RUNDC3B: variants seen among roughly 807,000 people sequenced by gnomAD.
The protein encoded by RUNDC3B is RUN domain-containing protein 3B.
Under a neutral mutation model 58.4 loss-of-function variants are expected in RUNDC3B, and 33 were observed. The ratio of observed to expected loss-of-function variants is 0.56; its 90% CI spans 0.43 to 0.75. The LOEUF is 0.75. Among genes scored for constraint, RUNDC3B ranks in the 30% least tolerant of loss-of-function variants. RUNDC3B has a pLI of 0.00. For synonymous variants in RUNDC3B, 193 were observed against 195.2 expected, an observed-to-expected ratio of 0.99 and a Z score of 0.10; for missense variants, 501 against 535.7, an observed-to-expected ratio of 0.94 and a Z score of 0.64.
At chr7:87,712,014 G>A (rs1183119485) in intron 4 of RUNDC3B, among the ~76,000 whole-genome samples, 4 of 152,042 alleles carry the variant, frequency 2.6e-5, no homozygotes, top group African/African-American at 9.7e-5. Context: ...GAGAAAATCT[G>A]GGCATTTATT....
intron 9 of RUNDC3B, among the ~76,000 whole-genome samples, chr7:87,813,436 C>A (rs1338836048): frequency 6.6e-6 from 1 of 151,910 alleles, no homozygotes. Context: ...CAGATGAATT[C>A]TATGTCTTTT....
intron 1 of RUNDC3B, among the ~76,000 whole-genome samples, chr7:87,635,361 CA>C (rs1354540863): frequency 6.6e-6 from 1 of 152,168 alleles, no homozygotes; most frequent in Non-Finnish European, 1.5e-5. Context: ...ATTATTATGT[CA>C]AAAGGGGCTT....
intron 2 of RUNDC3B, 55 bp downstream of exon 2, chr7:87,650,992 T>G: frequency 9.8e-7 from 1 of 1,017,212 alleles, no homozygotes. Context: ...ATAATAAGCT[T>G]GAAATTTTAG....
intron 6 of RUNDC3B, among the ~76,000 whole-genome samples, chr7:87,746,392 A>C (rs1188116198): frequency 6.6e-6 from 1 of 152,176 alleles, no homozygotes; most frequent in East Asian, 1.9e-4. Context: ...TAGTGCTGTC[A>C]GTGGAGTAGT....
At chr7:87,827,179 A>AATACAT (rs1837860434) in intron 10 of RUNDC3B, among the ~76,000 whole-genome samples, 1 of 152,200 alleles carries the variant, frequency 6.6e-6, no homozygotes, top group Non-Finnish European at 1.5e-5. Flanking sequence ...ACAAATATGT[A>AATACAT]ACAGGCAAAT....
rs1391176333 is a variant in RUNDC3B, at chr7:87,739,817, T to C, written c.485T>C (p.Val162Ala). Reference sequence around the variant, plus strand: ...AGATTTTATGAAGATGGAGCAATTGTCTTGGGTGAAGAAGCAAATATGCTT... The same window carrying C: ...AGATTTTATGAAGATGGAGCAATTGCCTTGGGTGAAGAAGCAAATATGCTT... ...TRRFYEDGAIVLGEEANMLAG... is the reference protein window; with the variant it reads ...TRRFYEDGAIALGEEANMLAG... Residue 162 changes from valine (V) to alanine (A), a missense_variant, in exon 5 of 11, where the codon GTC (valine) becomes GCC (alanine). Val to Ala is a moderately conservative substitution (Grantham distance 64). Coordinates refer to ENST00000394654, the MANE Select transcript of RUNDC3B (RefSeq NM_001134405.2). The C allele has an allele frequency of 6.3e-7, 1 of 1,589,638 alleles. No homozygotes were observed. The highest frequency in any genetic ancestry group is 1.7e-5 in the Admixed American group (1 of 59,804).
At chr7:87,701,696 A>T (rs915786555) in intron 3 of RUNDC3B, among the ~76,000 whole-genome samples, 2 of 152,216 alleles carry the variant, frequency 1.3e-5, no homozygotes, top group African/African-American at 4.8e-5. Context: ...ATCTGAAAAG[A>T]CTATTAAAAG....
intron 4 of RUNDC3B, among the ~76,000 whole-genome samples, chr7:87,736,978 A>G (rs1417974737): frequency 2.2e-5 from 3 of 138,664 alleles, no homozygotes; most frequent in Non-Finnish European, 3.0e-5. Context: ...GCTCACTTCA[A>G]CCTCTGTCTT....
At chr7:87,636,924 T>C (rs573543885) in intron 1 of RUNDC3B, among the ~76,000 whole-genome samples, 1 of 152,298 alleles carries the variant, frequency 6.6e-6, no homozygotes, top group Non-Finnish European at 1.5e-5. Flanking sequence ...CTTACAAGCA[T>C]GGTGGAAGGG....
intron 1 of RUNDC3B, among the ~76,000 whole-genome samples, chr7:87,639,345 G>A (rs1822198790): frequency 6.6e-6 from 1 of 152,062 alleles, no homozygotes; most frequent in South Asian, 2.1e-4. Flanking sequence ...TATTTAATAT[G>A]CATTTGGAAA....
intron 2 of RUNDC3B, among the ~76,000 whole-genome samples, chr7:87,676,977 C>T (rs1826432362): frequency 6.6e-6 from 1 of 151,902 alleles, no homozygotes; most frequent in African/African-American, 2.4e-5. Flanking sequence ...CAAAAGATAA[C>T]AAGTGTTGGC....
chr7:87,730,311 A>G (rs1253007645), intron 4 of RUNDC3B, among the ~76,000 whole-genome samples: 2 of 152,046 alleles, frequency 1.3e-5, no homozygotes, highest in African/African-American at 4.8e-5. Flanking sequence ...TGGCTCTTGG[A>G]CAGCATTTCT....
chr7:87,735,587 C>T (rs1022049384), intron 4 of RUNDC3B, among the ~76,000 whole-genome samples: 13 of 152,062 alleles, frequency 8.5e-5, no homozygotes, highest in African/African-American at 2.7e-4. Flanking sequence ...TAATATGTAG[C>T]GGCAAAGTTA....
intron 2 of RUNDC3B, 150 bp from the exon 3 acceptor site, chr7:87,700,271 T>C (rs1828906715): frequency 1.7e-6 from 1 of 595,500 alleles, no homozygotes; most frequent in African/African-American, 1.9e-5. Flanking sequence ...AGGACTAGAT[T>C]TGAGGCTTTT....
intron 9 of RUNDC3B, 91 bp downstream of exon 9, chr7:87,807,610 G>A: frequency 1.1e-6 from 1 of 909,452 alleles, no homozygotes; most frequent in South Asian, 1.5e-5. Context: ...TATTCTTTCT[G>A]AACTTATTAT....
chr7:87,812,930 G>A (rs1199479414), intron 9 of RUNDC3B, among the ~76,000 whole-genome samples: 2 of 152,108 alleles, frequency 1.3e-5, no homozygotes, highest in South Asian at 2.1e-4. Context: ...TTTGTCAGAT[G>A]GAGCTGTCAG....
chr7:87,629,057 C>T, intron 1 of RUNDC3B, 112 bp downstream of exon 1: 3 of 1,060,928 alleles, frequency 2.8e-6, no homozygotes, highest in Non-Finnish European at 2.4e-6. Context: ...CCAGTGCCCC[C>T]GCCTATGTTG....
chr7:87,737,342 T>C lies in RUNDC3B; in HGVS notation c.459-2449T>C, dbSNP rs141287326. Among the ~76,000 whole-genome samples, 55 of 152,298 alleles carry C rather than the reference T, an allele frequency of 3.6e-4. No homozygotes were observed. In the East Asian group the frequency reaches 0.01, roughly 28 times the overall value. On this transcript the variant is annotated intron_variant, in intron 4 of 10. Transcript: ENST00000394654. ...TCTTGGTTATATAAGCAAAGTTTAA[T>C]GTTCCAATTTTTCAATGAGGTAAAA...
chr7:87,715,311 TTAATTTATAATAA>T (rs1830471853), intron 4 of RUNDC3B, among the ~76,000 whole-genome samples: 2 of 131,768 alleles, frequency 1.5e-5, no homozygotes, highest in Admixed American at 8.6e-5. Flanking sequence ...TTATATATAA[TTAATTTATAATAA>T]TTATATATAA....
Sources: allele counts gnomAD v4.1 joint callset (sites outside exome capture counted in the v4.1 genomes callset), GRCh38; gene constraint gnomAD v4.1.1; transcripts MANE v1.5; gene names NCBI Gene and HGNC (gene_info 2026-07-23, HGNC 2026-07-21).